ACACA: variants seen among roughly 807,000 people sequenced by gnomAD.
ACACA encodes the protein acetyl-CoA carboxylase 1.
Under a neutral mutation model 296.1 loss-of-function variants are expected in ACACA, and 103 were observed. The ratio of observed to expected loss-of-function variants is 0.35; its 90% CI spans 0.30 to 0.41. The LOEUF is 0.41. Among genes scored for constraint, ACACA ranks in the 10% least tolerant of loss-of-function variants. ACACA has a pLI of 1.00. For synonymous variants in ACACA, 953 were observed against 1,038.6 expected (o/e 0.92, Z 1.58); for missense variants, 1,554 against 2,989.7 (o/e 0.52, Z 11.20).
intron 39 of ACACA, among the ~76,000 whole-genome samples, chr17:37,182,902 T>C (rs1322662750): frequency 6.6e-6 from 1 of 152,184 alleles, no homozygotes; most frequent in Non-Finnish European, 1.5e-5. Flanking sequence ...GGAAAACATG[T>C]CTCAGGCTGT....
chr17:37,329,693 G>A (rs973749134), intron 3 of ACACA, among the ~76,000 whole-genome samples: 12 of 148,558 alleles, frequency 8.1e-5, no homozygotes, highest in Non-Finnish European at 1.5e-4. Context: ...TCTAATCCCA[G>A]CATTTTGGAA....
In ACACA at chr17:37,241,991, GA is replaced by G; in HGVS notation, c.2993del (p.Phe998SerfsTer3). The G allele has an allele frequency of 2.5e-6, 4 of 1,613,868 alleles. No homozygotes were observed. The highest frequency in any genetic ancestry group is 3.4e-6 in the Non-Finnish European group (4 of 1,179,940). On this transcript the variant is annotated frameshift_variant, in exon 23 of 56. Coordinates refer to ENST00000616317, the MANE Select transcript of ACACA (RefSeq NM_198834.3). LOFTEE classifies it high-confidence loss of function. ...GAACAATGCTCTGAGTATTCATAAAGAAGACTTCCCGTTCAGATTTCCGGTT... is the reference window on the plus strand; with the variant it reads ...GAACAATGCTCTGAGTATTCATAAAGAGACTTCCCGTTCAGATTTCCGGTT... ...TLNRKSEREV[F>X]FMNTQSIVQL...
chr17:37,262,262 G>C (rs1366502987), intron 11 of ACACA, among the ~76,000 whole-genome samples: 2 of 152,118 alleles, frequency 1.3e-5, no homozygotes, highest in Non-Finnish European at 2.9e-5. Context: ...AACATCCTTT[G>C]TGCTAGGTAT....
intron 1 of ACACA, among the ~76,000 whole-genome samples, chr17:37,350,437 C>T (rs7502962): frequency 6.6e-6 from 1 of 151,566 alleles, no homozygotes; most frequent in Non-Finnish European, 1.5e-5. Flanking sequence ...GGAAGATCAC[C>T]TAAGCCCAGG....
At chr17:37,251,675 G>A (rs771717683) in intron 16 of ACACA, among the ~76,000 whole-genome samples, 1 of 152,196 alleles carries the variant, frequency 6.6e-6, no homozygotes, top group Non-Finnish European at 1.5e-5. Context: ...TTCAGTGCTA[G>A]GGAGAAATAC....
At position 37,284,782 on chromosome 17, in the gene ACACA, G is replaced by T. The variant is rs959826123; in HGVS notation, c.471+56C>A. ...GAGCAAATCTAGACAACAAATCTAG[G>T]CAAGCATTAAATCCTAAGTGCTTTT... On this transcript the variant is annotated intron_variant, in intron 4 of 55. Coordinates refer to ENST00000616317, the MANE Select transcript of ACACA (RefSeq NM_198834.3). The T allele has an allele frequency of 2.2e-5, 36 of 1,606,344 alleles. No individual in the cohort carries two copies. In the East Asian group the frequency reaches 7.8e-4, roughly 35 times the overall value.
At chr17:37,244,546 A>T in intron 21 of ACACA, 42 bp downstream of exon 21, 1 of 1,607,668 alleles carries the variant, frequency 6.2e-7, no homozygotes, top group Non-Finnish European at 8.5e-7. Context: ...GAGAATAGGT[A>T]TCCCATTTGT....
In ACACA at chr17:37,320,841, G is replaced by A. The variant is rs189838691; in HGVS notation, c.338+9332C>T. ...GGGCACCTGTAATCCCAGCTACTTG[G>A]GAGGCTGAGGCTAGAGGATTGCTTG... On this transcript the variant is annotated intron_variant, in intron 3 of 55. Coordinates refer to ENST00000616317, the MANE Select transcript of ACACA (RefSeq NM_198834.3). Among the ~76,000 whole-genome samples the A allele has an allele frequency of 5.7e-3, 872 of 151,696 alleles. 22 individuals are homozygous for A. Among genetic ancestry groups the A allele is most frequent in the Admixed American group, 0.048 (723 of 15,216 alleles).
chr17:37,093,376 C>T (rs149065641), intron 54 of ACACA, among the ~76,000 whole-genome samples: 76 of 152,210 alleles, frequency 5.0e-4, no homozygotes, highest in Admixed American at 1.6e-3. Flanking sequence ...GCCCCCTTTC[C>T]GCCGAGGTCA....
chr17:37,177,269 CGTGTGTGTGTGT>C (rs112439511), intron 41 of ACACA, among the ~76,000 whole-genome samples: 88 of 146,532 alleles, frequency 6.0e-4, no homozygotes, highest in African/African-American at 2.1e-3. Flanking sequence ...TTAAAAAATT[CGTGTGTGTGTGT>C]GTGTGTGTGT....
rs2078466083 is a variant in ACACA at position 37,205,686 on chromosome 17, G to C, written c.4056+79C>G. ...TGATAAAAGACATAGCCATAAACTA[G>C]CAACTGATAAAAGGATAGCTATGAT... is the stretch of plus-strand genomic sequence containing the variant. On this transcript the variant is annotated intron_variant, in intron 33 of 55. Transcript: ENST00000616317. The C allele has an allele frequency of 3.6e-6, 4 of 1,110,572 alleles. No homozygotes were observed. The Admixed American group carries it at 6.7e-5, about 19-fold the overall frequency. The allele number at this position is 1,110,572 out of a possible 1,614,324, so 68.8% of individuals were successfully genotyped here.
chr17:37,318,649 C>T (rs1470450054), intron 3 of ACACA, among the ~76,000 whole-genome samples: 10 of 152,172 alleles, frequency 6.6e-5, no homozygotes, highest in Non-Finnish European at 2.9e-5. Context: ...GTTTTAAGCA[C>T]TAACATGCAA....
chr17:37,096,659 C>T (rs776628857), intron 54 of ACACA, among the ~76,000 whole-genome samples: 4 of 152,202 alleles, frequency 2.6e-5, no homozygotes, highest in African/African-American at 9.7e-5. Flanking sequence ...TTGTCTCCCC[C>T]TCTAGATGGT....
At chr17:37,304,174 C>A (rs886296493) in intron 3 of ACACA, among the ~76,000 whole-genome samples, 2 of 151,998 alleles carry the variant, frequency 1.3e-5, no homozygotes, top group African/African-American at 4.8e-5. Context: ...AAAATCATTT[C>A]TCTTTTCTTA....
At chr17:37,141,731 G>T (rs184458112) in intron 45 of ACACA, among the ~76,000 whole-genome samples, 131 of 151,304 alleles carry the variant, frequency 8.7e-4, no homozygotes, top group Middle Eastern at 3.4e-3. Flanking sequence ...TGCTGTTTTT[G>T]CCCAGGCTGG....
intron 1 of ACACA, among the ~76,000 whole-genome samples, chr17:37,355,718 C>T (rs994868072): frequency 2.3e-4 from 33 of 145,560 alleles, no homozygotes; most frequent in African/African-American, 7.7e-4. Context: ...ATTAGCCAGG[C>T]GTGGTGGCAC....
chr17:37,121,438 T>A lies in ACACA; in HGVS notation c.6191A>T (p.Tyr2064Phe). 1 of 1,614,228 alleles carries A rather than the reference T, an allele frequency of 6.2e-7. No individual in the cohort carries two copies. Among genetic ancestry groups the A allele is most frequent in the South Asian group, 1.1e-5 (1 of 91,088 alleles). Residue 2064 changes from tyrosine to phenylalanine, a missense_variant, in exon 50 of 56, where the codon TAT (tyrosine) becomes TTT (phenylalanine). Transcript: ENST00000616317. ...CCGGTTGAAGTCCTTGATGGCCTGA[T>A]ACGTCTTAAACGCAGAATCTGGGAA... is the stretch of plus-strand genomic sequence containing the variant. ...VWFPDSAFKT[Y>F]QAIKDFNREG...
intron 42 of ACACA, among the ~76,000 whole-genome samples, chr17:37,159,694 T>G (rs1358139535): frequency 6.6e-6 from 1 of 152,212 alleles, no homozygotes; most frequent in Non-Finnish European, 1.5e-5. Context: ...GCAATAAAAT[T>G]CATCAGTTTT....
rs532898295 is a variant in ACACA at position 37,274,585 on chromosome 17, T to C, written c.902-286A>G. The C allele has an allele frequency of 6.2e-6, 6 of 967,990 alleles. No individual in the cohort carries two copies. In the African/African-American group the frequency reaches 8.8e-5, roughly 14 times the overall value. 60.0% of individuals were successfully genotyped at this position (967,990 alleles called of 1,614,324 possible). A position where few individuals can be genotyped will look rare whatever the true frequency, so the allele number is the denominator to read the frequency against. Reference sequence around the variant, plus strand: ...GATCAAAACAAACAAAAAAAGAACATAGCATACTTCTCACAGCAACTCAGC... The same window carrying C: ...GATCAAAACAAACAAAAAAAGAACACAGCATACTTCTCACAGCAACTCAGC... On this transcript the variant is annotated intron_variant, in intron 8 of 55. Coordinates refer to ENST00000616317, the MANE Select transcript of ACACA (RefSeq NM_198834.3).
Sources: allele counts gnomAD v4.1 joint callset (sites outside exome capture counted in the v4.1 genomes callset), GRCh38; gene constraint gnomAD v4.1.1; transcripts MANE v1.5; gene names NCBI Gene and HGNC (gene_info 2026-07-23, HGNC 2026-07-21).